The following PEMT variants were observed in gnomAD, a reference collection of about 807,000 sequenced individuals.
The protein encoded by PEMT is phosphatidylethanolamine N-methyltransferase.
PEMT carries 23 observed loss-of-function variants against 27.4 expected under a neutral mutation model. That is an observed-to-expected ratio of 0.84 (90% confidence interval 0.60 to 1.19). The LOEUF (loss-of-function observed/expected upper bound fraction) is 1.19, where lower values mean the gene tolerates loss of function less well. Ranked by LOEUF, PEMT falls within the 50% of genes most tolerant of loss-of-function variation. PEMT has a pLI of 0.00. For synonymous variants in PEMT, 137 were observed against 139.1 expected (o/e 0.98, Z 0.11); for missense variants, 307 against 310.1 (o/e 0.99, Z 0.07).
intron 2 of PEMT, among the ~76,000 whole-genome samples, chr17:17,569,697 T>G (rs1417405400): frequency 1.3e-5 from 2 of 152,204 alleles, no homozygotes; most frequent in Non-Finnish European, 2.9e-5. Context: ...GGGTTCCAAC[T>G]TGCTATGTCT....
chr17:17,573,043 G>A (rs563976522), intron 2 of PEMT, among the ~76,000 whole-genome samples: 2 of 152,212 alleles, frequency 1.3e-5, no homozygotes, highest in East Asian at 3.9e-4. Flanking sequence ...ACAAAAATTA[G>A]TCAGGCACAG....
At chr17:17,545,754 G>C (rs1266888228) in intron 2 of PEMT, among the ~76,000 whole-genome samples, 1 of 152,212 alleles carries the variant, frequency 6.6e-6, no homozygotes, top group African/African-American at 2.4e-5. Context: ...CCGTTTTAGA[G>C]ATGCTATGAT....
intron 1 of PEMT, among the ~76,000 whole-genome samples, chr17:17,583,782 C>A (rs1912098401): frequency 6.6e-6 from 1 of 152,224 alleles, no homozygotes; most frequent in Non-Finnish European, 1.5e-5. Context: ...GAGGGACCCT[C>A]CTGGGAAGAC....
chr17:17,554,121 C>T (rs147692421), intron 2 of PEMT, among the ~76,000 whole-genome samples: 2 of 152,360 alleles, frequency 1.3e-5, no homozygotes, highest in Admixed American at 6.5e-5. Flanking sequence ...CAACAGCAAC[C>T]CTTTCAGCAC....
chr17:17,567,315 C>T (rs1046663137), intron 2 of PEMT, among the ~76,000 whole-genome samples: 3 of 152,276 alleles, frequency 2.0e-5, no homozygotes, highest in African/African-American at 4.8e-5. Context: ...TACACTTTGT[C>T]ACCACGTTGC....
intron 2 of PEMT, among the ~76,000 whole-genome samples, chr17:17,553,452 G>A (rs1332731947): frequency 6.6e-6 from 1 of 152,198 alleles, no homozygotes; most frequent in Non-Finnish European, 1.5e-5. Flanking sequence ...ACACACACAG[G>A]CCCTTACCAG....
At chr17:17,557,300 C>T (rs1288754026) in intron 2 of PEMT, among the ~76,000 whole-genome samples, 1 of 152,216 alleles carries the variant, frequency 6.6e-6, no homozygotes, top group Non-Finnish European at 1.5e-5. Context: ...ACACCTCTGG[C>T]CACCCTGTAC....
At chr17:17,528,170 G>A (rs1040762668) in intron 2 of PEMT, among the ~76,000 whole-genome samples, 2 of 152,194 alleles carry the variant, frequency 1.3e-5, no homozygotes, top group Non-Finnish European at 2.9e-5. Flanking sequence ...CAGCACAGAG[G>A]GGCTCATGAG....
At chr17:17,567,528 G>A (rs945315707) in intron 2 of PEMT, among the ~76,000 whole-genome samples, 3 of 152,274 alleles carry the variant, frequency 2.0e-5, no homozygotes, top group South Asian at 2.1e-4. Context: ...CTCATGTGCC[G>A]TGGAACGGCT....
chr17:17,568,898 C>A (rs1194953041), intron 2 of PEMT, among the ~76,000 whole-genome samples: 1 of 152,172 alleles, frequency 6.6e-6, no homozygotes, highest in African/African-American at 2.4e-5. Flanking sequence ...CACAGCGCCA[C>A]CTACCGTCTG....
At position 17,522,262 on chromosome 17, in the gene PEMT, TGA is replaced by T; in HGVS notation, c.320+16_320+17del. Reference sequence around the variant, plus strand: ...TAGCCCAGGGGTTGTGGCTCCCCAGTGAGAGAGCTGTGCTTACCAGTGCGAGC... The same window carrying T: ...TAGCCCAGGGGTTGTGGCTCCCCAGTGAGAGCTGTGCTTACCAGTGCGAGC... On this transcript the variant is annotated intron_variant, in intron 3 of 6. Transcript: ENST00000255389. 2 of 1,561,172 alleles carry T rather than the reference TGA, an allele frequency of 1.3e-6. No homozygotes were observed. The highest frequency in any genetic ancestry group is 2.2e-5 in the South Asian group (2 of 90,062).
At chr17:17,510,342 C>A (rs70965409) in intron 4 of PEMT, among the ~76,000 whole-genome samples, 2 of 152,176 alleles carry the variant, frequency 1.3e-5, no homozygotes, top group Non-Finnish European at 2.9e-5. Flanking sequence ...ACAGAGTAAC[C>A]GCTCCATAAA....
rs138936928 is a variant in PEMT at position 17,567,089 on chromosome 17, G to C, written c.204+9831C>G. On this transcript the variant is annotated intron_variant, in intron 2 of 6. Coordinates refer to ENST00000255389, the MANE Select transcript of PEMT (RefSeq NM_148172.3). ...AACCAAAAATAAATCATCCAGGGAA[G>C]ACACGCTTGGGTCCCACCCAGCCAT... Among the ~76,000 whole-genome samples, 68 of 152,328 alleles carry C rather than the reference G, an allele frequency of 4.5e-4. 2 individuals are homozygous for C. In the East Asian group the frequency reaches 9.8e-3, roughly 22 times the overall value.
intron 2 of PEMT, among the ~76,000 whole-genome samples, chr17:17,546,001 T>C (rs1395965117): frequency 6.6e-6 from 1 of 152,190 alleles, no homozygotes; most frequent in Non-Finnish European, 1.5e-5. Context: ...CCATCTTCTG[T>C]CCCTGGGCCA....
chr17:17,538,191 A>G (rs1192873327), intron 2 of PEMT, among the ~76,000 whole-genome samples: 2 of 152,230 alleles, frequency 1.3e-5, no homozygotes, highest in Non-Finnish European at 1.5e-5. Context: ...CCTGAGCCCA[A>G]CTGGACAGGG....
intron 2 of PEMT, among the ~76,000 whole-genome samples, chr17:17,574,733 G>A (rs1911464690): frequency 6.6e-6 from 1 of 152,118 alleles, no homozygotes; most frequent in Non-Finnish European, 1.5e-5. Flanking sequence ...TGACCTGAGG[G>A]GGCTTGTGCA....
At position 17,514,721 on chromosome 17, in the gene PEMT, G is replaced by A. The variant is rs56180978; in HGVS notation, c.321-2067C>T. On this transcript the variant is annotated intron_variant, in intron 3 of 6. Transcript: ENST00000255389. ...ACATGCACACCCAGTGTGGTGCCAC[G>A]ATCCAGGCACACCTTCTCCCCTGCC... Among the ~76,000 whole-genome samples, 301 of 152,328 alleles carry A rather than the reference G, an allele frequency of 2.0e-3. 7 individuals are homozygous for A. The highest frequency in any genetic ancestry group is 2.6e-3 in the Non-Finnish European group (175 of 68,030).
At chr17:17,577,367 A>C (rs1486971689) in intron 1 of PEMT, 22 of 738,276 alleles carry the variant, frequency 3.0e-5, no homozygotes, top group Admixed American at 4.2e-5. Context: ...GAGGCCCCAG[A>C]GGAAACCCAA....
At chr17:17,515,489 C>T (rs1458332910) in intron 3 of PEMT, among the ~76,000 whole-genome samples, 4 of 152,196 alleles carry the variant, frequency 2.6e-5, no homozygotes, top group African/African-American at 7.2e-5. Flanking sequence ...GAGATGACAG[C>T]CTGGGCTGGC....
Sources: allele counts gnomAD v4.1 joint callset (sites outside exome capture counted in the v4.1 genomes callset), GRCh38; gene constraint gnomAD v4.1.1; transcripts MANE v1.5; gene names NCBI Gene and HGNC (gene_info 2026-07-23, HGNC 2026-07-21).